Variants in GRIK4 observed in about 807,000 individuals in gnomAD.
GRIK4 encodes glutamate receptor ionotropic, kainate 4.
In GRIK4, 40 loss-of-function variants were observed where a neutral mutation model predicts 104.9. The observed-to-expected ratio is 0.38, with a 90% CI of 0.30 to 0.50. The LOEUF (loss-of-function observed/expected upper bound fraction) is 0.50. Ranked by LOEUF, GRIK4 falls within the 20% of genes least tolerant of loss-of-function variation. The pLI is 0.93. For missense variants in GRIK4, 1,047 were observed against 1,308.1 expected (o/e 0.80, Z 3.08); for synonymous variants, 485 against 524.9 (o/e 0.92, Z 1.04).
At chr11:120,769,481 T>G (rs1951899212) in intron 3 of GRIK4, among the ~76,000 whole-genome samples, 1 of 152,206 alleles carries the variant, frequency 6.6e-6, no homozygotes, top group South Asian at 2.1e-4. Context: ...ATTTGTGATA[T>G]TAATATTTTA....
At position 120,823,358 on chromosome 11, in the gene GRIK4, A is replaced by G. The variant is rs146555691; in HGVS notation, c.511+3438A>G. On this transcript the variant is annotated intron_variant, in intron 6 of 20. Transcript: ENST00000527524. The stretch of plus-strand genomic sequence containing the variant: ...TGCTAATACTGTTGCCTCCCAGCCC[A>G]GGGCTCTTCCCATTAGAATTATGAC... Among the ~76,000 whole-genome samples the G allele has an allele frequency of 3.0e-3, 455 of 152,354 alleles. 2 individuals carry two copies. The highest frequency in any genetic ancestry group is 2.7e-3 in the Non-Finnish European group (184 of 68,026).
At chr11:120,743,957 C>A (rs945340285) in intron 3 of GRIK4, among the ~76,000 whole-genome samples, 2 of 152,100 alleles carry the variant, frequency 1.3e-5, no homozygotes, top group African/African-American at 2.4e-5. Flanking sequence ...AGTAGCACAG[C>A]GAGGCTGGTG....
At chr11:120,563,378 A>AG (rs1765272693) in intron 1 of GRIK4, among the ~76,000 whole-genome samples, 1 of 152,168 alleles carries the variant, frequency 6.6e-6, no homozygotes, top group South Asian at 2.1e-4. Flanking sequence ...GGGGCCTGGA[A>AG]GAACCCTGTG....
At chr11:120,855,995 G>T (rs1035715563) in intron 8 of GRIK4, among the ~76,000 whole-genome samples, 1 of 152,258 alleles carries the variant, frequency 6.6e-6, no homozygotes, top group African/African-American at 2.4e-5. Flanking sequence ...GGGCCCAGCA[G>T]TTCAGGGGGA....
At chr11:120,928,047 T>C (rs944386599) in intron 13 of GRIK4, among the ~76,000 whole-genome samples, 1 of 151,716 alleles carries the variant, frequency 6.6e-6, no homozygotes, top group Non-Finnish European at 1.5e-5. Context: ...AAACCGTGTT[T>C]CTACTAAACA....
chr11:120,552,306 CCCCCCACCCCA>C (rs965413292), intron 1 of GRIK4, among the ~76,000 whole-genome samples: 3 of 152,088 alleles, frequency 2.0e-5, no homozygotes, highest in Non-Finnish European at 2.9e-5. Context: ...GTGGGGAGAA[CCCCCCACCCCA>C]CCCCCACACA....
rs374220098 is a variant in GRIK4 at position 120,974,159 on chromosome 11, T to C, written c.2395+6836T>C. Among the ~76,000 whole-genome samples, 984 of 152,210 alleles carry C rather than the reference T, an allele frequency of 6.5e-3. 8 individuals carry two copies. Among genetic ancestry groups the C allele is most frequent in the African/African-American group, 0.023 (936 of 41,512 alleles). ...CTGACCTCAAGTGATCTGCCCCCCTTGGCCTCCCAAAGTGCCGGGATTACA... is the reference window on the plus strand; with the variant it reads ...CTGACCTCAAGTGATCTGCCCCCCTCGGCCTCCCAAAGTGCCGGGATTACA... On this transcript the variant is annotated intron_variant, in intron 19 of 20. Coordinates refer to ENST00000527524, the MANE Select transcript of GRIK4 (RefSeq NM_014619.5).
In GRIK4 at chr11:120,517,203, G is replaced by A. The variant is rs768332988; in HGVS notation, c.-159+5316G>A. Among the ~76,000 whole-genome samples, 11 of 149,286 alleles carry A rather than the reference G, an allele frequency of 7.4e-5. 1 individual carries two copies. Among genetic ancestry groups the A allele is most frequent in the Non-Finnish European group, 1.6e-4 (11 of 67,586 alleles). ...GTTCACTGAGCTATCCCTAGTGCTT[G>A]CATAGAACAGGTGTTAAGTCAATAT... On this transcript the variant is annotated intron_variant, in intron 1 of 20. Coordinates refer to ENST00000527524, the MANE Select transcript of GRIK4 (RefSeq NM_014619.5).
chr11:120,678,517 A>G (rs1389173337), intron 3 of GRIK4, among the ~76,000 whole-genome samples: 2 of 152,166 alleles, frequency 1.3e-5, no homozygotes, highest in Admixed American at 1.3e-4. Flanking sequence ...AGCTAAGTGT[A>G]CCGGGTGCTT....
At chr11:120,852,338 G>A (rs551904403) in intron 8 of GRIK4, among the ~76,000 whole-genome samples, 32 of 152,356 alleles carry the variant, frequency 2.1e-4, no homozygotes, top group African/African-American at 7.2e-4. Context: ...ATGGGTGTTT[G>A]CAGGTGAACA....
chr11:120,806,673 G>C (rs970846250), intron 4 of GRIK4, among the ~76,000 whole-genome samples: 2 of 152,206 alleles, frequency 1.3e-5, no homozygotes, highest in African/African-American at 4.8e-5. Flanking sequence ...TGAGTAACAG[G>C]GATTTCAGAA....
intron 1 of GRIK4, among the ~76,000 whole-genome samples, chr11:120,603,397 T>C (rs1948913441): frequency 6.6e-6 from 1 of 152,232 alleles, no homozygotes; most frequent in African/African-American, 2.4e-5. Context: ...TATTCCACCA[T>C]AGAAGTCAGC....
At chr11:120,615,682 C>T (rs1440807841) in intron 1 of GRIK4, among the ~76,000 whole-genome samples, 2 of 152,312 alleles carry the variant, frequency 1.3e-5, no homozygotes, top group East Asian at 3.9e-4. Context: ...TCTTCCTGCC[C>T]CTAGGGCCTG....
chr11:120,616,171 G>T (rs1949110856), intron 1 of GRIK4, among the ~76,000 whole-genome samples: 2 of 152,072 alleles, frequency 1.3e-5, no homozygotes, highest in Non-Finnish European at 2.9e-5. Context: ...GGAAGAACTT[G>T]GGAATTGGTG....
intron 9 of GRIK4, chr11:120,871,929 T>G (rs1486725175): frequency 4.4e-6 from 2 of 456,066 alleles, no homozygotes; most frequent in Admixed American, 4.7e-5. Context: ...AAAGAGATTA[T>G]CCAGAGCTGG....
intron 3 of GRIK4, among the ~76,000 whole-genome samples, chr11:120,786,972 A>G (rs1285745121): frequency 2.6e-5 from 4 of 152,348 alleles, no homozygotes; most frequent in Non-Finnish European, 5.9e-5. Flanking sequence ...TTCTGGTATG[A>G]AAACAAGAAT....
At chr11:120,669,119 C>T (rs1355752914) in intron 3 of GRIK4, among the ~76,000 whole-genome samples, 1 of 152,236 alleles carries the variant, frequency 6.6e-6, no homozygotes, top group Non-Finnish European at 1.5e-5. Context: ...AGAATCCCCA[C>T]CTTGTCTAGG....
intron 13 of GRIK4, among the ~76,000 whole-genome samples, chr11:120,930,742 G>A (rs1943466174): frequency 6.6e-6 from 1 of 152,162 alleles, no homozygotes; most frequent in Non-Finnish European, 1.5e-5. Flanking sequence ...CTTTTGATGT[G>A]GAGTAAATTT....
In GRIK4 at chr11:120,962,606, C is replaced by T. The variant is rs771102125; in HGVS notation, c.2191C>T (p.Arg731Trp). The change falls in exon 18 of 21, where the codon CGG (arginine) becomes TGG (tryptophan). Residue 731 changes from arginine (R) to tryptophan (W), a missense_variant. Around this residue, in one of 3 missense-constraint regions of GRIK4, gnomAD observed 440 missense variants for 652.3 expected, o/e 0.67. Transcript: ENST00000527524. The part of the protein sequence containing the change: ...LLESTMNEYY[R>W]QRNCNLTQIG... Reference sequence around the variant, plus strand: ...GGAATCCACCATGAACGAGTACTATCGGCAGCGAAACTGCAACCTCACTCA... The same window carrying T: ...GGAATCCACCATGAACGAGTACTATTGGCAGCGAAACTGCAACCTCACTCA... 9.9e-6 allele frequency: 16 copies of T among 1,613,992 alleles called. No individual in the cohort carries two copies. The highest frequency in any genetic ancestry group is 4.5e-5 in the East Asian group (2 of 44,900).
Sources: allele counts gnomAD v4.1 joint callset (sites outside exome capture counted in the v4.1 genomes callset), GRCh38; gene constraint gnomAD v4.1.1; regional missense constraint gnomAD v4.1.1; transcripts MANE v1.5; gene names NCBI Gene and HGNC (gene_info 2026-07-23, HGNC 2026-07-21).